The following TTBK2 variants were observed in gnomAD, a reference collection of about 807,000 sequenced individuals.
The protein encoded by TTBK2 is tau tubulin kinase 2, also known as tau-tubulin kinase 2.
TTBK2 carries 28 observed loss-of-function variants against 110.8 expected under a neutral mutation model. The observed-to-expected ratio is 0.25, with a 90% CI of 0.19 to 0.35. TTBK2 has a LOEUF of 0.35. Ranked by LOEUF, TTBK2 falls within the 10% of genes least tolerant of loss-of-function variation. The probability of loss-of-function intolerance (pLI) is 1.00; values close to 1 mark genes in which losing one functional copy is unlikely to be tolerated. For missense variants in TTBK2, 1,369 were observed against 1,500.3 expected, an observed-to-expected ratio of 0.91 and a Z score of 1.45; for synonymous variants, 532 against 527.3, an observed-to-expected ratio of 1.01 and a Z score of -0.12.
At chr15:42,871,515 C>G (rs1894613813) in intron 3 of TTBK2, 7 of 985,382 alleles carry the variant, frequency 7.1e-6, no homozygotes, top group Non-Finnish European at 8.4e-6. Context: ...CTGATGCTGA[C>G]ATACCCTTCA....
Position 42,752,416 on chromosome 15 carries a change from G to A in TTBK2, c.2830C>T (p.Arg944Ter), listed in dbSNP as rs2061878451. 1.2e-6 allele frequency: 2 copies of A among 1,614,164 alleles called. No individual in the cohort carries two copies. The highest frequency in any genetic ancestry group is 1.7e-6 in the Non-Finnish European group (2 of 1,180,032). The change falls in exon 14 of 15, where the codon CGA becomes TGA. Residue 944 changes from arginine to a stop codon, truncating the protein, a stop_gained. Transcript: ENST00000267890. LOFTEE classifies it high-confidence loss of function. ...ATCTCTTGTGCTAAAACAGGGATTC[G>A]GCTGTGTCTAGTTACAAAGGATGAC... is the stretch of plus-strand genomic sequence containing the variant. ...VRSSFVTRHS[R>*]IPVLAQEIDS...
In TTBK2 at chr15:42,775,696, A is replaced by C; in HGVS notation, c.1437T>G (p.Ser479Arg). The C allele has an allele frequency of 6.2e-7, 1 of 1,613,098 alleles. No homozygotes were observed. Among genetic ancestry groups the C allele is most frequent in the Non-Finnish European group, 8.5e-7 (1 of 1,179,930 alleles). ...CAGGGAGAATAGATTCTTTTCCTGC[A>C]CTGGTATCTTTCTGCATTTTCTCCA... is the stretch of plus-strand genomic sequence containing the variant. ...TCLEKMQKDT[S>R]AGKESILPAL... The change falls in exon 13 of 15, where the codon AGT becomes AGG. Residue 479 changes from serine (S) to arginine (R), a missense_variant. By Grantham distance (110) the Ser-to-Arg change is moderately radical (BLOSUM62 -1). Transcript: ENST00000267890.
chr15:42,769,925 A>G (rs1264540477), intron 13 of TTBK2, among the ~76,000 whole-genome samples: 1 of 152,190 alleles, frequency 6.6e-6, no homozygotes, highest in Non-Finnish European at 1.5e-5. Context: ...ATGCAGCCAT[A>G]AAAAGGATGA....
At chr15:42,795,865 A>T (rs1229540120) in intron 9 of TTBK2, among the ~76,000 whole-genome samples, 1 of 150,220 alleles carries the variant, frequency 6.7e-6, no homozygotes, top group Non-Finnish European at 1.5e-5. Context: ...AAAAAAAAAG[A>T]TTACTTCAGC....
chr15:42,777,103 A>G lies in TTBK2; in HGVS notation c.1337T>C (p.Ile446Thr). The part of the protein sequence containing the change: ...DIPLVRKLRS[I>T]HSFELEKRLT... ...ACGTTTTTCCAGCTCAAAGCTGTGA[A>G]TGGAACGTAACTTTCGCACCAGTGG... The change falls in exon 12 of 15, where the codon ATT (isoleucine) becomes ACT (threonine). Residue 446 changes from isoleucine (I) to threonine (T), a missense_variant. Physicochemically the swap from Ile to Thr is moderately conservative, Grantham distance 89. This residue lies in a region of TTBK2 where 1,097 missense variants were observed against 1,114.7 expected (regional missense o/e 0.98). Transcript: ENST00000267890. 6.2e-7 allele frequency: 1 copy of G among 1,614,196 alleles called. No individual in the cohort carries two copies. The highest frequency in any genetic ancestry group is 8.5e-7 in the Non-Finnish European group (1 of 1,180,040).
chr15:42,829,025 C>T (rs930170060), intron 5 of TTBK2, among the ~76,000 whole-genome samples: 2 of 152,032 alleles, frequency 1.3e-5, no homozygotes, highest in Admixed American at 6.5e-5. Flanking sequence ...TTCCAAGTAC[C>T]ATAGTTCTCA....
intron 10 of TTBK2, among the ~76,000 whole-genome samples, chr15:42,788,945 A>G (rs1442598954): frequency 6.6e-6 from 1 of 152,190 alleles, no homozygotes; most frequent in African/African-American, 2.4e-5. Flanking sequence ...ATGTAATAGG[A>G]TATACATAGA....
At chr15:42,860,640 CT>C (rs796405914) in intron 3 of TTBK2, among the ~76,000 whole-genome samples, 14,000 of 101,996 alleles carry the variant, frequency 0.14, 602 homozygotes, top group African/African-American at 0.19. Flanking sequence ...GGTATTCTTT[CT>C]TTTTTTTTTT....
chr15:42,815,362 T>A (rs1204458001), intron 7 of TTBK2, among the ~76,000 whole-genome samples: 1 of 152,076 alleles, frequency 6.6e-6, no homozygotes, highest in East Asian at 1.9e-4. Flanking sequence ...CACAGTATAC[T>A]CTTCCTATCA....
chr15:42,905,596 A>G (rs1314474670), intron 1 of TTBK2, among the ~76,000 whole-genome samples: 2 of 152,210 alleles, frequency 1.3e-5, no homozygotes, highest in Non-Finnish European at 2.9e-5. Context: ...TTCAAGAAAC[A>G]TAAGCCAGAC....
chr15:42,830,658 A>G (rs1595959665), intron 4 of TTBK2, among the ~76,000 whole-genome samples: 1 of 151,642 alleles, frequency 6.6e-6, no homozygotes, highest in Non-Finnish European at 1.5e-5. Flanking sequence ...TATTTAAAAT[A>G]TAAGTAATCA....
chr15:42,863,564 T>C (rs1894244232), intron 3 of TTBK2, among the ~76,000 whole-genome samples: 1 of 151,552 alleles, frequency 6.6e-6, no homozygotes, highest in Admixed American at 6.6e-5. Context: ...TTCACAGAAT[T>C]AGAAAAAAAA....
chr15:42,920,929 C>T (rs1005312712), upstream of TTBK2: 4 of 152,670 alleles, frequency 2.6e-5, no homozygotes, highest in African/African-American at 9.6e-5. Flanking sequence ...TTGGCTAGTC[C>T]CATTGCCTAT....
chr15:42,918,882 G>A (rs935006864), intron 1 of TTBK2, among the ~76,000 whole-genome samples: 10 of 152,132 alleles, frequency 6.6e-5, no homozygotes, highest in Non-Finnish European at 1.3e-4. Flanking sequence ...CATAGTACAA[G>A]ATAATGAGCA....
At position 42,878,490 on chromosome 15, in the gene TTBK2, TATAC is replaced by T. The variant is rs1315953363; in HGVS notation, c.69+55_69+58del. 12 of 1,343,796 alleles carry T rather than the reference TATAC, an allele frequency of 8.9e-6. No homozygotes were observed. The African/African-American group carries it at 2.7e-4, about 31-fold the overall frequency. 83.2% of individuals were successfully genotyped at this position (1,343,796 alleles called of 1,614,324 possible). A position where few individuals can be genotyped will look rare whatever the true frequency, so the allele number is the denominator to read the frequency against. On this transcript the variant is annotated intron_variant, in intron 2 of 14. Transcript: ENST00000267890. ...ATACCAAAAATTACCCCCCGATATG[TATAC>T]ACACACACACACACACACACACACA...
intron 13 of TTBK2, among the ~76,000 whole-genome samples, chr15:42,769,877 G>C (rs1261763910): frequency 6.6e-6 from 1 of 152,122 alleles, no homozygotes; most frequent in Non-Finnish European, 1.5e-5. Context: ...TGATAGACTG[G>C]ATTAAGAAAA....
At chr15:42,868,190 T>C (rs1158466295) in intron 3 of TTBK2, among the ~76,000 whole-genome samples, 1 of 152,178 alleles carries the variant, frequency 6.6e-6, no homozygotes, top group Non-Finnish European at 1.5e-5. Flanking sequence ...TGACATACGA[T>C]GGTTCAACTT....
intron 10 of TTBK2, among the ~76,000 whole-genome samples, chr15:42,790,827 G>A (rs1890636795): frequency 6.6e-6 from 1 of 152,006 alleles, no homozygotes; most frequent in Admixed American, 6.6e-5. Context: ...AGCCTCCGGA[G>A]TAGCTGGGAC....
At chr15:42,769,701 C>T (rs936268637) in intron 13 of TTBK2, among the ~76,000 whole-genome samples, 23 of 152,062 alleles carry the variant, frequency 1.5e-4, no homozygotes, top group East Asian at 5.8e-4. Flanking sequence ...GACAGTGTGG[C>T]GATTTCTTAA....
Sources: allele counts gnomAD v4.1 joint callset (sites outside exome capture counted in the v4.1 genomes callset), GRCh38; gene constraint gnomAD v4.1.1; regional missense constraint gnomAD v4.1.1; transcripts MANE v1.5; gene names NCBI Gene and HGNC (gene_info 2026-07-23, HGNC 2026-07-21).